Variants in DTNA observed in about 807,000 individuals in gnomAD.
The protein encoded by DTNA is dystrophin-related protein 3.
In DTNA, 43 loss-of-function variants were observed where a neutral mutation model predicts 100.7. The observed-to-expected ratio is 0.43, with a 90% CI of 0.33 to 0.55. DTNA has a LOEUF of 0.55. Among genes scored for constraint, DTNA ranks in the 20% least tolerant of loss-of-function variants. DTNA has a pLI of 0.04. For synonymous variants in DTNA, 349 were observed against 347.9 expected (o/e 1.00, Z -0.04); for missense variants, 798 against 953.9 (o/e 0.84, Z 2.15).
intron 1 of DTNA, among the ~76,000 whole-genome samples, chr18:34,591,371 C>A (rs1265373387): frequency 6.6e-6 from 1 of 152,118 alleles, no homozygotes; most frequent in African/African-American, 2.4e-5. Flanking sequence ...CAACAAATAA[C>A]CATTTTCCAT....
chr18:34,843,048 A>G (rs1048020505), intron 13 of DTNA, among the ~76,000 whole-genome samples: 2 of 152,196 alleles, frequency 1.3e-5, no homozygotes, highest in African/African-American at 4.8e-5. Context: ...TTGATATTGT[A>G]GAATATCAGT....
chr18:34,827,478 T>C (rs1036675987), intron 9 of DTNA, 115 bp from the exon 10 acceptor site: 2 of 920,502 alleles, frequency 2.2e-6, no homozygotes, highest in African/African-American at 3.3e-5. Flanking sequence ...TTGTTGATCC[T>C]GGGAAAGGTA....
chr18:34,800,246 T>C (rs979339859), intron 4 of DTNA, among the ~76,000 whole-genome samples: 3 of 152,224 alleles, frequency 2.0e-5, no homozygotes, highest in African/African-American at 7.2e-5. Context: ...GTAGGTGTTA[T>C]GATAGGCTGG....
At chr18:34,795,809 A>C (rs2094944278) in intron 4 of DTNA, among the ~76,000 whole-genome samples, 1 of 152,212 alleles carries the variant, frequency 6.6e-6, no homozygotes, top group East Asian at 1.9e-4. Context: ...ACAATAAGGA[A>C]GGGGGTATTT....
At chr18:34,664,908 T>A (rs1448788952) in intron 1 of DTNA, among the ~76,000 whole-genome samples, 2 of 152,062 alleles carry the variant, frequency 1.3e-5, no homozygotes, top group Non-Finnish European at 2.9e-5. Context: ...ATCCCTTTTT[T>A]TAACCCCAAA....
Position 34,502,200 on chromosome 18 carries a change from A to G in DTNA, c.-2+8686A>G, listed in dbSNP as rs555538779. Among the ~76,000 whole-genome samples, 15 of 152,308 alleles carry G rather than the reference A, an allele frequency of 9.8e-5. No homozygotes were observed. The South Asian group carries it at 1.7e-3, about 17-fold the overall frequency. On this transcript the variant is annotated intron_variant, in intron 1 of 19. Coordinates refer to the DTNA transcript ENST00000283365. Reference sequence around the variant, plus strand: ...TTCAAATTATTCTTTGGATGTCTGCATGGTCTTTAGTGCTATCCCATGTTT... The same window carrying G: ...TTCAAATTATTCTTTGGATGTCTGCGTGGTCTTTAGTGCTATCCCATGTTT...
intron 1 of DTNA, among the ~76,000 whole-genome samples, chr18:34,739,375 G>A (rs2090210517): frequency 6.6e-6 from 1 of 152,004 alleles, no homozygotes; most frequent in Admixed American, 6.6e-5. Flanking sequence ...ACAAACAAAG[G>A]CACATCATAC....
chr18:34,819,439 A>G (rs925696824), intron 8 of DTNA, among the ~76,000 whole-genome samples: 12 of 152,240 alleles, frequency 7.9e-5, no homozygotes, highest in African/African-American at 2.7e-4. Flanking sequence ...CTGAGGACAG[A>G]TAGATACATT....
chr18:34,637,830 C>G (rs193076428), intron 1 of DTNA, among the ~76,000 whole-genome samples: 63 of 152,342 alleles, frequency 4.1e-4, no homozygotes, highest in African/African-American at 1.5e-3. Context: ...AAGATTCAGT[C>G]AGAATAAGGC....
At chr18:34,540,532 G>T (rs2044148851) in intron 1 of DTNA, among the ~76,000 whole-genome samples, 1 of 151,904 alleles carries the variant, frequency 6.6e-6, no homozygotes, top group Non-Finnish European at 1.5e-5. Context: ...GATGGACAGT[G>T]ACTTTATTAA....
intron 1 of DTNA, among the ~76,000 whole-genome samples, chr18:34,704,151 G>A (rs747345065): frequency 1.3e-5 from 2 of 151,986 alleles, no homozygotes; most frequent in Non-Finnish European, 2.9e-5. Flanking sequence ...TTGCTTCCCA[G>A]TTCTCTCCAT....
chr18:34,669,315 T>C (rs1384603054), intron 1 of DTNA, among the ~76,000 whole-genome samples: 3 of 152,198 alleles, frequency 2.0e-5, no homozygotes, highest in Non-Finnish European at 4.4e-5. Flanking sequence ...TGAGCCTATG[T>C]GTGTCTCTGC....
At chr18:34,572,617 C>A (rs1475228918) in intron 1 of DTNA, among the ~76,000 whole-genome samples, 1 of 152,134 alleles carries the variant, frequency 6.6e-6, no homozygotes, top group Non-Finnish European at 1.5e-5. Flanking sequence ...TGAAATAAAC[C>A]ATATTATGTC....
At chr18:34,508,708 A>G (rs373392929) in intron 1 of DTNA, among the ~76,000 whole-genome samples, 20 of 152,102 alleles carry the variant, frequency 1.3e-4, no homozygotes, top group Non-Finnish European at 2.8e-4. Flanking sequence ...TCAACTAGCA[A>G]TTTGCTAAAC....
intron 1 of DTNA, among the ~76,000 whole-genome samples, chr18:34,552,310 T>A (rs1003172399): frequency 3.3e-5 from 5 of 152,102 alleles, no homozygotes; most frequent in Admixed American, 3.3e-4. Context: ...AAAAAGCCCC[T>A]GAGTTATAGA....
rs568923828 is a variant in DTNA at position 34,873,341 on chromosome 18, C to T, written c.1744-1898C>T. 4.6e-5 allele frequency among the ~76,000 whole-genome samples: 7 copies of T among 152,330 alleles called. No individual in the cohort carries two copies. The South Asian group carries it at 6.2e-4, about 14-fold the overall frequency. ...ACTTCCCTTCTCTAGTCCCCACTCC[C>T]GGCTGTGTTTGGTCCCTTGATAAAG... On this transcript the variant is annotated intron_variant, in intron 17 of 22. Transcript: ENST00000444659.
At chr18:34,823,110 A>C (rs942778794) in intron 9 of DTNA, among the ~76,000 whole-genome samples, 2 of 152,142 alleles carry the variant, frequency 1.3e-5, no homozygotes, top group African/African-American at 4.8e-5. Context: ...TGCTATTGTC[A>C]TGAGTAGATA....
chr18:34,875,462 T>C, intron 18 of DTNA, 64 bp downstream of exon 18: 1 of 1,611,336 alleles, frequency 6.2e-7, no homozygotes, highest in African/African-American at 1.3e-5. Flanking sequence ...CAAGGTCTAT[T>C]GAGTGGTCAA....
intron 1 of DTNA, among the ~76,000 whole-genome samples, chr18:34,754,326 A>G (rs1432267264): frequency 6.6e-6 from 1 of 152,150 alleles, no homozygotes; most frequent in Admixed American, 6.5e-5. Context: ...ATTTATCCTC[A>G]GGAAATCAAC....
Sources: allele counts gnomAD v4.1 joint callset (sites outside exome capture counted in the v4.1 genomes callset), GRCh38; gene constraint gnomAD v4.1.1; transcripts MANE v1.5; gene names NCBI Gene and HGNC (gene_info 2026-07-23, HGNC 2026-07-21).